WDFY4: variants seen among roughly 807,000 people sequenced by gnomAD.
WDFY4 encodes WD repeat- and FYVE domain-containing protein 4.
WDFY4 carries 169 observed loss-of-function variants against 351.9 expected under a neutral mutation model. That is an observed-to-expected ratio of 0.48 (90% CI 0.42 to 0.55). The LOEUF (loss-of-function observed/expected upper bound fraction) is 0.55. Among genes scored for constraint, WDFY4 ranks in the 20% least tolerant of loss-of-function variants. WDFY4 has a pLI of 0.00. For synonymous variants in WDFY4, 1,622 were observed against 1,574.6 expected, an observed-to-expected ratio of 1.03 and a Z score of -0.71; for missense variants, 3,803 against 3,935.6, an observed-to-expected ratio of 0.97 and a Z score of 0.90.
chr10:48,807,223 G>A (rs1228932852), intron 27 of WDFY4, among the ~76,000 whole-genome samples: 1 of 152,192 alleles, frequency 6.6e-6, no homozygotes, highest in African/African-American at 2.4e-5. Flanking sequence ...GAACAAATGG[G>A]TAATGGGCCA....
At chr10:48,910,003 C>T (rs1239684109) in intron 47 of WDFY4, 1 of 537,106 alleles carries the variant, frequency 1.9e-6, no homozygotes, top group Non-Finnish European at 3.3e-6. Context: ...TTTCTATATA[C>T]ATTTTAAAAA....
chr10:48,897,302 C>G (rs1457782566), intron 44 of WDFY4, among the ~76,000 whole-genome samples, 152 bp from the exon 45 acceptor site: 1 of 152,234 alleles, frequency 6.6e-6, no homozygotes, highest in Non-Finnish European at 1.5e-5. Flanking sequence ...ATGAGTAGGG[C>G]TAGCACACTG....
intron 39 of WDFY4, among the ~76,000 whole-genome samples, chr10:48,843,431 G>A (rs993637351): frequency 2.6e-5 from 4 of 152,152 alleles, no homozygotes; most frequent in African/African-American, 9.7e-5. Context: ...AGTAGGCATA[G>A]CACTCCTTTC....
chr10:48,904,407 G>A (rs1018473035), intron 47 of WDFY4, among the ~76,000 whole-genome samples: 1 of 152,190 alleles, frequency 6.6e-6, no homozygotes, highest in Non-Finnish European at 1.5e-5. Context: ...TCTCAGCACT[G>A]TTTCAGTACA....
At chr10:48,706,875 C>A (rs558711718) in intron 1 of WDFY4, among the ~76,000 whole-genome samples, 2 of 152,276 alleles carry the variant, frequency 1.3e-5, no homozygotes, top group South Asian at 4.1e-4. Context: ...AAACAAGCAA[C>A]ATTACTCTAT....
chr10:48,919,993 TA>T (rs1378244562), intron 47 of WDFY4, among the ~76,000 whole-genome samples: 3 of 152,040 alleles, frequency 2.0e-5, no homozygotes, highest in African/African-American at 7.2e-5. Context: ...TGAACATAGT[TA>T]CAAAAATCCT....
intron 11 of WDFY4, 116 bp downstream of exon 11, chr10:48,736,186 G>T: frequency 3.3e-6 from 4 of 1,218,530 alleles, no homozygotes; most frequent in Non-Finnish European, 4.7e-6. Context: ...GTGGCAGGCA[G>T]TACCCTGTAT....
intron 38 of WDFY4, 98 bp from the exon 39 acceptor site, chr10:48,832,475 G>T: frequency 2.9e-6 from 4 of 1,366,914 alleles, no homozygotes; most frequent in Non-Finnish European, 3.9e-6. Flanking sequence ...ACCACAGGGG[G>T]CTCATGCCCC....
At chr10:48,823,329 A>C (rs2067891523) in intron 35 of WDFY4, 1 of 1,281,432 alleles carries the variant, frequency 7.8e-7, no homozygotes. Flanking sequence ...ACTTTCTGTT[A>C]TCAAGCTGGG....
In WDFY4 at chr10:48,822,422, C is replaced by T; in HGVS notation, c.5867C>T (p.Pro1956Leu). ...CCAAGTGCAGAAGCTGCTGCTGCCC[C>T]TTCTCTTGCCAACATCTCCTGCTTC... ...PQPSAEAAAA[P>L]SLANISCFTQ... Residue 1956 changes from proline (P) to leucine (L), a missense_variant, in exon 35 of 62, where the codon CCT (proline) becomes CTT (leucine). Physicochemically the swap from Pro to Leu is moderately conservative, Grantham distance 98. Transcript: ENST00000325239. 1 of 1,551,024 alleles carries T rather than the reference C, an allele frequency of 6.4e-7. No individual in the cohort carries two copies. Among genetic ancestry groups the T allele is most frequent in the Non-Finnish European group, 8.7e-7 (1 of 1,146,534 alleles).
intron 51 of WDFY4, among the ~76,000 whole-genome samples, chr10:48,955,531 C>A (rs1189676095): frequency 1.3e-5 from 2 of 152,254 alleles, no homozygotes; most frequent in South Asian, 4.1e-4. Context: ...CCCCAGGAAT[C>A]TGGCATGGGG....
At chr10:48,746,523 T>C (rs2065019826) in intron 12 of WDFY4, among the ~76,000 whole-genome samples, 1 of 152,198 alleles carries the variant, frequency 6.6e-6, no homozygotes, top group East Asian at 1.9e-4. Flanking sequence ...TAGTGTGGTA[T>C]TATTTCTCAT....
chr10:48,733,932 A>T lies in WDFY4; in HGVS notation c.1584A>T (p.Gly528=). 1 of 1,551,660 alleles carries T rather than the reference A, an allele frequency of 6.4e-7. No homozygotes were observed. The highest frequency in any genetic ancestry group is 8.7e-7 in the Non-Finnish European group (1 of 1,146,956). ...GTTATTTCTTCTTCAATATGGCAGG[A>T]AACAAAGTGTCCACTCCTGGTGTTC... ...RKQAKIMRKS[G]NKVSTPGVQD... The change falls in exon 10 of 62, where the codon GGA becomes GGT. Residue 528 remains glycine, a splice_region_variant and synonymous_variant. Transcript: ENST00000325239.
chr10:48,721,153 G>T, intron 3 of WDFY4, 108 bp from the exon 4 acceptor site: 2 of 1,074,964 alleles, frequency 1.9e-6, no homozygotes, highest in Admixed American at 4.0e-5. Flanking sequence ...AGATGCCAAA[G>T]TCCTCTACAG....
intron 47 of WDFY4, chr10:48,910,296 C>T (rs373806349): frequency 8.7e-6 from 14 of 1,605,230 alleles, no homozygotes; most frequent in Admixed American, 1.7e-5. Context: ...GCAATTGCTC[C>T]AGGCCACAGA....
intron 1 of WDFY4, among the ~76,000 whole-genome samples, chr10:48,704,607 T>C (rs1268517874): frequency 6.6e-6 from 1 of 152,138 alleles, no homozygotes; most frequent in Non-Finnish European, 1.5e-5. Context: ...CCGGGTATAG[T>C]AGTTTGCCAA....
At chr10:48,856,679 A>G (rs1264454809) in intron 39 of WDFY4, among the ~76,000 whole-genome samples, 1 of 152,200 alleles carries the variant, frequency 6.6e-6, no homozygotes, top group Non-Finnish European at 1.5e-5. Context: ...CTGTTACGTT[A>G]AAATGTGTTG....
At position 48,877,103 on chromosome 10, in the gene WDFY4, CT is replaced by C; in HGVS notation, c.7073del (p.Phe2358SerfsTer33). On this transcript the variant is annotated frameshift_variant, in exon 43 of 62. Coordinates refer to ENST00000325239, the MANE Select transcript of WDFY4 (RefSeq NM_001394531.1). LOFTEE classifies it high-confidence loss of function. ...GGGTGGACTGCACCCAGCTGACCTT[CT>C]TCCCAGCCTTACACGAAAGTCTGCA... ...VGVDCTQLTF[F>X]PALHESLHSE... 1 of 1,547,472 alleles carries C rather than the reference CT, an allele frequency of 6.5e-7. No individual in the cohort carries two copies. Among genetic ancestry groups the C allele is most frequent in the Non-Finnish European group, 8.7e-7 (1 of 1,144,714 alleles).
intron 13 of WDFY4, among the ~76,000 whole-genome samples, chr10:48,770,427 C>T (rs548265849): frequency 5.9e-5 from 9 of 152,152 alleles, no homozygotes; most frequent in African/African-American, 1.9e-4. Context: ...CTTTTTAATT[C>T]TTTTGAATAA....
Sources: gnomAD v4.1 joint callset for allele counts (sites outside exome capture counted in the v4.1 genomes callset) on GRCh38, gnomAD v4.1.1 for gene constraint, MANE v1.5 for transcripts, NCBI Gene and HGNC (gene_info 2026-07-23, HGNC 2026-07-21) for gene names.